Variants in SIK2 observed in about 807,000 individuals in gnomAD.
SIK2 encodes the protein salt inducible kinase 2.
A neutral mutation model predicts 103.2 loss-of-function variants in SIK2; 29 were observed. That is an observed-to-expected ratio of 0.28 (90% CI 0.21 to 0.38). The LOEUF (loss-of-function observed/expected upper bound fraction) is 0.38, where lower values mean the gene tolerates loss of function less well. Among genes scored for constraint, SIK2 ranks in the 10% least tolerant of loss-of-function variants. SIK2 has a pLI of 1.00. For missense variants in SIK2, 879 were observed against 1,171.0 expected, an observed-to-expected ratio of 0.75 and a Z score of 3.64; for synonymous variants, 412 against 446.1, an observed-to-expected ratio of 0.92 and a Z score of 0.96.
At position 111,619,702 on chromosome 11, in the gene SIK2, C is replaced by T. The variant is rs187667501; in HGVS notation, c.253-637C>T. Among the ~76,000 whole-genome samples, 11 of 152,206 alleles carry T rather than the reference C, an allele frequency of 7.2e-5. No individual in the cohort carries two copies. The East Asian group carries it at 1.9e-3, about 27-fold the overall frequency. ...GTAGTTTGAAAAATCAGATGTATGA[C>T]GATGACACACTTCATTCCGAATCTA... On this transcript the variant is annotated intron_variant, in intron 2 of 14. Coordinates refer to ENST00000304987, the MANE Select transcript of SIK2 (RefSeq NM_015191.3).
chr11:111,640,188 C>T (rs1942162419), intron 3 of SIK2, among the ~76,000 whole-genome samples: 1 of 152,174 alleles, frequency 6.6e-6, no homozygotes, highest in South Asian at 2.1e-4. Flanking sequence ...TGTGATTTTC[C>T]TCTTTAGTTT....
At chr11:111,689,388 T>G in intron 4 of SIK2, among the ~76,000 whole-genome samples, 1 of 152,080 alleles carries the variant, frequency 6.6e-6, no homozygotes, top group African/African-American at 2.4e-5. Context: ...GTGGGAGATG[T>G]GGGTGAGGTG....
At chr11:111,605,388 C>G in intron 1 of SIK2, among the ~76,000 whole-genome samples, 1 of 152,158 alleles carries the variant, frequency 6.6e-6, no homozygotes, top group East Asian at 1.9e-4. Context: ...ATAAATACAA[C>G]TACCTTAAAA....
intron 2 of SIK2, among the ~76,000 whole-genome samples, chr11:111,616,855 T>C (rs922368713): frequency 5.3e-5 from 8 of 152,038 alleles, no homozygotes; most frequent in South Asian, 2.1e-4. Context: ...AAGTTTACAA[T>C]GTATGATACG....
chr11:111,691,924 G>C (rs2135901532), intron 4 of SIK2, among the ~76,000 whole-genome samples: 1 of 152,260 alleles, frequency 6.6e-6, no homozygotes, highest in South Asian at 2.1e-4. Flanking sequence ...AACACAAAAA[G>C]ATCATTGTTT....
chr11:111,670,638 C>T (rs1038084319), intron 3 of SIK2, among the ~76,000 whole-genome samples: 2 of 152,190 alleles, frequency 1.3e-5, no homozygotes, highest in African/African-American at 4.8e-5. Context: ...GGCTTGAGCT[C>T]CTCTTGGATT....
chr11:111,676,110 G>A (rs1387479535), intron 3 of SIK2, among the ~76,000 whole-genome samples: 12 of 152,152 alleles, frequency 7.9e-5, no homozygotes, highest in East Asian at 1.9e-4. Context: ...TTTTATGGCT[G>A]TGTAGTACTC....
At chr11:111,687,479 C>T (rs1942860878) in intron 3 of SIK2, among the ~76,000 whole-genome samples, 1 of 143,750 alleles carries the variant, frequency 7.0e-6, no homozygotes, top group Non-Finnish European at 1.5e-5. Context: ...CACGCCACTA[C>T]ACTCCAGCCT....
intron 8 of SIK2, among the ~76,000 whole-genome samples, chr11:111,709,214 C>T (rs185633463): frequency 3.9e-5 from 6 of 152,244 alleles, no homozygotes; most frequent in African/African-American, 9.6e-5. Flanking sequence ...TTTTTCTCTG[C>T]GCAAGTGTGG....
chr11:111,636,878 G>T (rs1225278921), intron 3 of SIK2, among the ~76,000 whole-genome samples: 1 of 152,110 alleles, frequency 6.6e-6, no homozygotes, highest in Non-Finnish European at 1.5e-5. Context: ...ATCCTTTGTT[G>T]TGAGTTACTG....
At chr11:111,694,938 A>G (rs1188874631) in intron 4 of SIK2, among the ~76,000 whole-genome samples, 1 of 152,154 alleles carries the variant, frequency 6.6e-6, no homozygotes, top group Non-Finnish European at 1.5e-5. Flanking sequence ...TTTCATCTCA[A>G]CTGTGATGAT....
chr11:111,693,470 A>G (rs1375078593), intron 4 of SIK2, among the ~76,000 whole-genome samples: 1 of 152,210 alleles, frequency 6.6e-6, no homozygotes, highest in African/African-American at 2.4e-5. Flanking sequence ...GCTGAATGCA[A>G]ATACTGGCTT....
At chr11:111,697,599 A>T (rs183190114) in intron 4 of SIK2, among the ~76,000 whole-genome samples, 34 of 152,312 alleles carry the variant, frequency 2.2e-4, no homozygotes, top group African/African-American at 7.7e-4. Context: ...GAAGTTAAGT[A>T]ATTTGTCCAA....
intron 3 of SIK2, among the ~76,000 whole-genome samples, chr11:111,640,093 T>C (rs527864543): frequency 6.6e-6 from 1 of 152,322 alleles, no homozygotes; most frequent in Admixed American, 6.5e-5. Flanking sequence ...CTCAGCCCTT[T>C]CCTGTTCCAA....
At chr11:111,629,238 G>A (rs1942006280) in intron 3 of SIK2, among the ~76,000 whole-genome samples, 2 of 152,126 alleles carry the variant, frequency 1.3e-5, no homozygotes, top group African/African-American at 2.4e-5. Flanking sequence ...TAAAGTACTT[G>A]ATTTATTTTT....
chr11:111,687,913 A>C (rs1008991149), intron 3 of SIK2, 88 bp from the exon 4 acceptor site: 64 of 1,487,766 alleles, frequency 4.3e-5, no homozygotes, highest in Non-Finnish European at 5.5e-5. Context: ...CCAGAAAAAA[A>C]ACTTTTTGAG....
intron 6 of SIK2, among the ~76,000 whole-genome samples, chr11:111,702,728 T>C (rs1432724932): frequency 6.6e-6 from 1 of 152,212 alleles, no homozygotes; most frequent in Non-Finnish European, 1.5e-5. Flanking sequence ...TTTCTTGGTG[T>C]AGTCAGAAGT....
At chr11:111,670,285 G>C (rs1161996354) in intron 3 of SIK2, among the ~76,000 whole-genome samples, 5 of 152,168 alleles carry the variant, frequency 3.3e-5, no homozygotes, top group Admixed American at 3.3e-4. Flanking sequence ...GGCACAAGCT[G>C]CAACCTAACT....
At chr11:111,620,284 T>C (rs528531172) in intron 2 of SIK2, 55 bp from the exon 3 acceptor site, 1 of 1,100,686 alleles carries the variant, frequency 9.1e-7, no homozygotes, top group African/African-American at 1.6e-5. Context: ...GATAGAATAT[T>C]GTGGAAAATT....
Sources: allele counts gnomAD v4.1 joint callset (sites outside exome capture counted in the v4.1 genomes callset), GRCh38; gene constraint gnomAD v4.1.1; transcripts MANE v1.5; gene names NCBI Gene and HGNC (gene_info 2026-07-23, HGNC 2026-07-21).